SDF2: variants seen among roughly 807,000 people sequenced by gnomAD.
SDF2 encodes stromal cell derived factor 2, also known as stromal cell-derived factor 2.
In SDF2, 12 loss-of-function variants were observed where a neutral mutation model predicts 20.5. The observed-to-expected ratio is 0.58, with a 90% CI of 0.37 to 0.95. SDF2 has a LOEUF of 0.95. Among genes scored for constraint, SDF2 ranks in the 40% least tolerant of loss-of-function variants. The pLI, the probability that SDF2 is intolerant of heterozygous loss-of-function variation, is 0.01. For synonymous variants in SDF2, 100 were observed against 101.0 expected (o/e 0.99, Z 0.06); for missense variants, 238 against 263.1 (o/e 0.90, Z 0.66).
chr17:28,651,793 T>C (rs1157633534), intron 2 of SDF2, among the ~76,000 whole-genome samples: 6 of 152,194 alleles, frequency 3.9e-5, no homozygotes, highest in Admixed American at 3.3e-4. Flanking sequence ...TGTGTGTGTG[T>C]GTGTGTGTAC....
intron 1 of SDF2, among the ~76,000 whole-genome samples, 162 bp downstream of exon 1, chr17:28,661,564 G>T (rs1031027757): frequency 1.3e-5 from 2 of 152,184 alleles, no homozygotes; most frequent in African/African-American, 4.8e-5. Flanking sequence ...TTGCGATTAA[G>T]ATGCCTTAGA....
intron 1 of SDF2, among the ~76,000 whole-genome samples, chr17:28,660,220 C>A (rs1294594427): frequency 6.6e-6 from 1 of 152,164 alleles, no homozygotes; most frequent in East Asian, 1.9e-4. Flanking sequence ...GCCTCGGCAA[C>A]AGAGGGAGAC....
At chr17:28,651,722 A>C (rs2151581224) in intron 2 of SDF2, 1 of 152,320 alleles carries the variant, frequency 6.6e-6, no homozygotes, top group South Asian at 2.1e-4. Flanking sequence ...ATCTTCCTTA[A>C]GGCCAAATAT....
chr17:28,651,173 T>C (rs2071911899), intron 2 of SDF2, among the ~76,000 whole-genome samples: 1 of 152,120 alleles, frequency 6.6e-6, no homozygotes. Context: ...TGGGTTCTCA[T>C]GCCTCAGCCT....
chr17:28,656,845 T>C (rs1162718963), intron 1 of SDF2, among the ~76,000 whole-genome samples: 2 of 152,200 alleles, frequency 1.3e-5, no homozygotes, highest in Non-Finnish European at 2.9e-5. Flanking sequence ...TGATAAAAAT[T>C]TTTGTATTTC....
chr17:28,655,400 C>A lies in SDF2; in HGVS notation c.235G>T (p.Val79Leu), dbSNP rs1309835439. Residue 79 changes from valine to leucine, a missense_variant, in exon 2 of 3, where the codon GTG becomes TTG. By Grantham distance (32) the Val-to-Leu change is conservative. Coordinates refer to ENST00000247020, the MANE Select transcript of SDF2 (RefSeq NM_006923.4). ...TTGATGGGGGTTCCCCTCTCACACA[C>A]TGTGGCACTCTTCCCCCGTATCCTC... Reference protein sequence around the residue: ...YWRIRGKSATVCERGTPIKCG... With the variant: ...YWRIRGKSATLCERGTPIKCG... 1 of 1,614,256 alleles carries A rather than the reference C, an allele frequency of 6.2e-7. No individual in the cohort carries two copies. The highest frequency in any genetic ancestry group is 1.1e-5 in the South Asian group (1 of 91,086).
intron 1 of SDF2, chr17:28,660,382 C>T (rs12947280): frequency 2.6e-5 from 4 of 152,256 alleles, no homozygotes; most frequent in African/African-American, 9.7e-5. Context: ...ACAGTTCATT[C>T]TGGGCAATTT....
rs199687201 is a variant in SDF2 at position 28,650,291 on chromosome 17, G to A, written c.349-1015C>T. 3.2e-3 allele frequency among the ~76,000 whole-genome samples: 481 copies of A among 151,546 alleles called. 8 individuals are homozygous for A. Among genetic ancestry groups the A allele is most frequent in the Non-Finnish European group, 4.2e-3 (283 of 67,902 alleles). ...TAAACCATGAACCATGGAAAAAGAC[G>A]AAAGACATAAAGGACATAGGAGGAA... On this transcript the variant is annotated intron_variant, in intron 2 of 2. Transcript: ENST00000247020.
In SDF2 at chr17:28,649,295, A is replaced by G. The variant is rs753371899; in HGVS notation, c.349-19T>C. The G allele has an allele frequency of 1.9e-6, 3 of 1,609,890 alleles. No homozygotes were observed. Among genetic ancestry groups the G allele is most frequent in the Non-Finnish European group, 2.5e-6 (3 of 1,178,232 alleles). ...TCACTTCCTAGAAAATACAGAAGGTAGTAACATCAGCATGGCTGACAAGGG... is the reference window on the plus strand; with the variant it reads ...TCACTTCCTAGAAAATACAGAAGGTGGTAACATCAGCATGGCTGACAAGGG... On this transcript the variant is annotated intron_variant, in intron 2 of 2. Transcript: ENST00000247020.
At chr17:28,659,932 G>A (rs970768634) in intron 1 of SDF2, among the ~76,000 whole-genome samples, 2 of 152,236 alleles carry the variant, frequency 1.3e-5, no homozygotes, top group African/African-American at 4.8e-5. Context: ...TCACACCACT[G>A]CACTCCAGCC....
intron 2 of SDF2, among the ~76,000 whole-genome samples, chr17:28,650,295 G>A (rs1041853247): frequency 4.6e-5 from 7 of 151,596 alleles, no homozygotes; most frequent in African/African-American, 7.3e-5. Context: ...AAAGACGAAA[G>A]ACATAAAGGA....
intron 1 of SDF2, among the ~76,000 whole-genome samples, chr17:28,658,088 T>TA (rs1275651194): frequency 6.6e-6 from 1 of 152,220 alleles, no homozygotes; most frequent in East Asian, 1.9e-4. Flanking sequence ...GTTACTGCCT[T>TA]ACAGCTCTCT....
intron 2 of SDF2, chr17:28,651,710 CCAT>C (rs1325942005): frequency 6.6e-6 from 1 of 152,110 alleles, no homozygotes; most frequent in African/African-American, 2.4e-5. Flanking sequence ...CATCTAAATC[CCAT>C]CTTCCTTAAG....
In SDF2 at chr17:28,649,130, T is replaced by C; in HGVS notation, c.495A>G (p.Gln165=). 6.2e-7 allele frequency: 1 copy of C among 1,614,236 alleles called. No individual in the cohort carries two copies. Among genetic ancestry groups the C allele is most frequent in the Non-Finnish European group, 8.5e-7 (1 of 1,180,048 alleles). The change falls in exon 3 of 3, where the codon CAA becomes CAG. Residue 165 remains glutamine, a synonymous_variant. Coordinates refer to ENST00000247020, the MANE Select transcript of SDF2 (RefSeq NM_006923.4). ...TTTGCCCACTGATAGGTCGACCATA[T>C]TGTTCTCCTGTGACAGACAGCAGTA... is the stretch of plus-strand genomic sequence containing the variant. ...TEVLLSVTGE[Q]YGRPISGQKE...
intron 2 of SDF2, 48 bp from the exon 3 acceptor site, chr17:28,649,324 G>A: frequency 6.3e-7 from 1 of 1,576,018 alleles, no homozygotes; most frequent in South Asian, 1.1e-5. Flanking sequence ...ACAAGGGCTT[G>A]AAAAGGGGTG....
At chr17:28,651,566 C>G (rs2071915097) in intron 2 of SDF2, 1 of 152,164 alleles carries the variant, frequency 6.6e-6, no homozygotes, top group African/African-American at 2.4e-5. Flanking sequence ...ACAATATCAC[C>G]TTACAGAGCA....
At chr17:28,653,715 G>A (rs988309946) in intron 2 of SDF2, among the ~76,000 whole-genome samples, 2 of 152,096 alleles carry the variant, frequency 1.3e-5, no homozygotes, top group African/African-American at 4.8e-5. Context: ...AGGAGGCTGT[G>A]GCAAGAGAAT....
At chr17:28,662,134 C>T (rs529158129), upstream of SDF2, 2 of 395,274 alleles carry the variant, frequency 5.1e-6, no homozygotes, top group South Asian at 8.0e-5. Context: ...CGAAAGCTTC[C>T]GAGAGCGGGA....
intron 1 of SDF2, chr17:28,655,818 T>C: frequency 3.0e-6 from 1 of 328,256 alleles, no homozygotes; most frequent in Non-Finnish European, 5.8e-6. Context: ...ATCAACCCAA[T>C]TAAGGTTGAT....
Sources: gnomAD v4.1 joint callset for allele counts (sites outside exome capture counted in the v4.1 genomes callset) on GRCh38, gnomAD v4.1.1 for gene constraint, MANE v1.5 for transcripts, NCBI Gene and HGNC (gene_info 2026-07-23, HGNC 2026-07-21) for gene names.